NRXN3: variants seen among roughly 807,000 people sequenced by gnomAD.
NRXN3 encodes the protein neurexin III.
NRXN3 carries 32 observed loss-of-function variants against 137.6 expected under a neutral mutation model. The observed-to-expected ratio is 0.23, with a 90% CI of 0.18 to 0.31. The LOEUF is 0.31. Among genes scored for constraint, NRXN3 ranks in the 10% least tolerant of loss-of-function variants. NRXN3 has a pLI of 1.00. For missense variants in NRXN3, 1,574 were observed against 2,062.5 expected, an observed-to-expected ratio of 0.76 and a Z score of 4.59; for synonymous variants, 798 against 784.5, an observed-to-expected ratio of 1.02 and a Z score of -0.29.
Position 79,686,909 on chromosome 14 carries a change from G to T in NRXN3, c.3617-5264G>T, listed in dbSNP as rs555566027. ...TTATCAGCCAACTTGGTGTACGACA[G>T]GGTGATTTGCACTTCTTTCCAGGGT... On this transcript the variant is annotated intron_variant, in intron 17 of 20. Coordinates refer to ENST00000335750, the MANE Select transcript of NRXN3 (RefSeq NM_001330195.2). 2.6e-5 allele frequency among the ~76,000 whole-genome samples: 4 copies of T among 152,306 alleles called. No homozygotes were observed. In the South Asian group the frequency reaches 8.3e-4, roughly 32 times the overall value.
At chr14:79,021,906 T>A (rs2099590338) in intron 15 of NRXN3, among the ~76,000 whole-genome samples, 1 of 152,164 alleles carries the variant, frequency 6.6e-6, no homozygotes, top group African/African-American at 2.4e-5. Flanking sequence ...AGTTGTGGCA[T>A]AGTGTTGGGT....
At chr14:78,657,426 T>C (rs950358491) in intron 6 of NRXN3, among the ~76,000 whole-genome samples, 4 of 152,204 alleles carry the variant, frequency 2.6e-5, no homozygotes, top group Admixed American at 1.3e-4. Flanking sequence ...TTTTCCCAAG[T>C]GGAGAAGCGA....
chr14:79,293,374 C>A (rs904150549), intron 15 of NRXN3, among the ~76,000 whole-genome samples: 4 of 152,142 alleles, frequency 2.6e-5, no homozygotes, highest in African/African-American at 9.7e-5. Context: ...TCATCAAATG[C>A]GAAACCTGCA....
intron 10 of NRXN3, among the ~76,000 whole-genome samples, chr14:78,905,193 G>T (rs1045186106): frequency 3.3e-5 from 5 of 151,928 alleles, no homozygotes; most frequent in Admixed American, 2.6e-4. Flanking sequence ...CCTTTGCCCA[G>T]CCTGTGTTCT....
At chr14:78,505,377 A>G (rs111579696) in intron 4 of NRXN3, among the ~76,000 whole-genome samples, 1 of 152,158 alleles carries the variant, frequency 6.6e-6, no homozygotes, top group African/African-American at 2.4e-5. Flanking sequence ...AATTCCATCA[A>G]GGATTTCAAA....
chr14:78,966,952 C>A (rs2099418675), intron 12 of NRXN3, among the ~76,000 whole-genome samples: 1 of 152,126 alleles, frequency 6.6e-6, no homozygotes, highest in African/African-American at 2.4e-5. Context: ...TAGTGTACAA[C>A]CTGTGCTACT....
At chr14:79,566,267 C>T (rs145994725) in intron 16 of NRXN3, among the ~76,000 whole-genome samples, 5 of 152,206 alleles carry the variant, frequency 3.3e-5, no homozygotes, top group East Asian at 1.9e-4. Context: ...CTCCTTGCTG[C>T]ACTTCTTCTA....
intron 19 of NRXN3, among the ~76,000 whole-genome samples, chr14:79,711,724 C>T (rs1360988012): frequency 6.6e-6 from 1 of 152,198 alleles, no homozygotes; most frequent in Non-Finnish European, 1.5e-5. Context: ...TGGCTAAATC[C>T]TTCACGAAGA....
chr14:78,237,599 G>A (rs1263024987), intron 1 of NRXN3, among the ~76,000 whole-genome samples: 7 of 152,108 alleles, frequency 4.6e-5, no homozygotes, highest in South Asian at 4.2e-4. Context: ...TGAAAGTCCC[G>A]GCATTAACTC....
chr14:78,322,828 AG>A (rs2079548610), intron 4 of NRXN3, among the ~76,000 whole-genome samples: 4 of 151,848 alleles, frequency 2.6e-5, no homozygotes, highest in Admixed American at 2.6e-4. Context: ...GTTTAATTTG[AG>A]CCTCACACAC....
At chr14:78,881,520 A>G (rs755941624) in intron 10 of NRXN3, among the ~76,000 whole-genome samples, 1 of 151,614 alleles carries the variant, frequency 6.6e-6, no homozygotes, top group Non-Finnish European at 1.5e-5. Context: ...GCTATGCTCT[A>G]AAAAAGAGAC....
intron 3 of NRXN3, among the ~76,000 whole-genome samples, chr14:78,280,352 G>A (rs561483271): frequency 2.0e-5 from 3 of 152,228 alleles, no homozygotes; most frequent in South Asian, 2.1e-4. Flanking sequence ...TATAGTATCA[G>A]GGGGTGGATG....
chr14:78,526,740 T>C (rs375127286), intron 4 of NRXN3: 86 of 517,668 alleles, frequency 1.7e-4, no homozygotes, highest in African/African-American at 1.5e-3. Context: ...AAGAGGTAGG[T>C]AGGGATGATG....
chr14:79,648,686 C>G (rs2098462324), intron 16 of NRXN3, among the ~76,000 whole-genome samples: 1 of 150,706 alleles, frequency 6.6e-6, no homozygotes. Context: ...GTGGTAGAGG[C>G]ATGACTTCTG....
At chr14:78,677,234 G>A (rs12893506) in intron 6 of NRXN3, among the ~76,000 whole-genome samples, 6,285 of 152,114 alleles carry the variant, frequency 0.041, 173 homozygotes, top group Non-Finnish European at 0.055. Flanking sequence ...CACCATTCTA[G>A]ATGCCATTAT....
rs61032045 is a variant in NRXN3, at chr14:78,683,317, A to G, written c.1222-25900A>G. The stretch of plus-strand genomic sequence containing the variant: ...CTATTGGACATTATTCTAGAGAATT[A>G]AAAATGTGCAAATTATCCACAGCCA... On this transcript the variant is annotated intron_variant, in intron 6 of 20. Transcript: ENST00000335750. 8.1e-3 allele frequency among the ~76,000 whole-genome samples: 1,238 copies of G among 152,340 alleles called. 21 individuals carry two copies. Among genetic ancestry groups the G allele is most frequent in the African/African-American group, 0.029 (1,191 of 41,570 alleles).
intron 10 of NRXN3, among the ~76,000 whole-genome samples, chr14:78,857,126 C>A (rs2099059595): frequency 1.3e-5 from 2 of 152,056 alleles, no homozygotes; most frequent in Admixed American, 1.3e-4. Context: ...ACTCTTCAGG[C>A]CAGACTCCTA....
At chr14:78,517,321 T>C (rs921588435) in intron 4 of NRXN3, among the ~76,000 whole-genome samples, 7 of 152,116 alleles carry the variant, frequency 4.6e-5, no homozygotes, top group Admixed American at 3.3e-4. Flanking sequence ...GGCTCTTCTC[T>C]TACTAGGATA....
At chr14:79,137,109 T>C (rs1382890555) in intron 15 of NRXN3, among the ~76,000 whole-genome samples, 1 of 152,354 alleles carries the variant, frequency 6.6e-6, no homozygotes, top group East Asian at 1.9e-4. Flanking sequence ...TGTTTCTATA[T>C]GTCCTGGATT....
Sources: gnomAD v4.1 joint callset for allele counts (sites outside exome capture counted in the v4.1 genomes callset) on GRCh38, gnomAD v4.1.1 for gene constraint, MANE v1.5 for transcripts, NCBI Gene and HGNC (gene_info 2026-07-23, HGNC 2026-07-21) for gene names.